The following PATL2 variants were observed in gnomAD, a reference collection of about 807,000 sequenced individuals.
The protein encoded by PATL2 is protein PAT1 homolog 2.
A neutral mutation model predicts 77.0 loss-of-function variants in PATL2; 73 were observed. That is an observed-to-expected ratio of 0.95 (90% confidence interval 0.78 to 1.15). The LOEUF (loss-of-function observed/expected upper bound fraction) is 1.15, where lower values mean the gene tolerates loss of function less well. Ranked by LOEUF, PATL2 falls within the 50% of genes most tolerant of loss-of-function variation. PATL2 has a pLI of 0.00. For synonymous variants in PATL2, 265 were observed against 257.1 expected, an observed-to-expected ratio of 1.03 and a Z score of -0.29; for missense variants, 618 against 655.4, an observed-to-expected ratio of 0.94 and a Z score of 0.62.
intron 3 of PATL2, chr15:44,676,920 G>A (rs1300198950): frequency 2.0e-6 from 2 of 1,017,674 alleles, no homozygotes; most frequent in African/African-American, 1.7e-5. Context: ...CCTGGGCCAG[G>A]ACCTGTTTGC....
intron 2 of PATL2, among the ~76,000 whole-genome samples, 102 bp from the exon 3 acceptor site, chr15:44,710,316 G>C (rs927998241): frequency 1.3e-5 from 2 of 152,174 alleles, no homozygotes; most frequent in Non-Finnish European, 2.9e-5. Flanking sequence ...CAAGATCTCT[G>C]CCCCTCCCCA....
In PATL2 at chr15:44,710,136, T is replaced by C. The variant is rs1414353135; in HGVS notation, c.-116A>G. ...GTGGGAGGCTCTCTCTTGTGCATTATCTCATTTCATTAGGTCCATGGAGAG... is the reference window on the plus strand; with the variant it reads ...GTGGGAGGCTCTCTCTTGTGCATTACCTCATTTCATTAGGTCCATGGAGAG... On this transcript the variant is annotated 5_prime_UTR_variant, in exon 3 of 18. Transcript: ENST00000682850. Among the ~76,000 whole-genome samples, 1 of 152,246 alleles carries C rather than the reference T, an allele frequency of 6.6e-6. No individual in the cohort carries two copies. The highest frequency in any genetic ancestry group is 2.4e-5 in the African/African-American group (1 of 41,472).
chr15:44,669,604 T>C, intron 11 of PATL2, 41 bp from the exon 12 acceptor site: 2 of 1,544,962 alleles, frequency 1.3e-6, no homozygotes, highest in Admixed American at 2.0e-5. Context: ...ACACTGCCAC[T>C]GCCACAGCCC....
Position 44,665,829 on chromosome 15 carries a change from G to A in PATL2, c.*124C>T. The A allele has an allele frequency of 6.5e-7, 1 of 1,532,248 alleles. No homozygotes were observed. The highest frequency in any genetic ancestry group is 8.8e-7 in the Non-Finnish European group (1 of 1,140,456). 94.9% of individuals were successfully genotyped at this position (1,532,248 alleles called of 1,614,324 possible). On this transcript the variant is annotated 3_prime_UTR_variant, in exon 18 of 18. Transcript: ENST00000682850. ...AAGAAAGGATATGAAAATGGGGAAG[G>A]GTTCTCCAATATATAAAGGCATAAG...
chr15:44,667,201 A>C lies in PATL2; in HGVS notation c.1368T>G (p.Phe456Leu). The C allele has an allele frequency of 6.4e-7, 1 of 1,550,770 alleles. No individual in the cohort carries two copies. The highest frequency in any genetic ancestry group is 8.7e-7 in the Non-Finnish European group (1 of 1,146,226). ...RPVTVVLQNQ[F>L]GISLLYALLS... is the part of the protein sequence containing the mutation. Reference sequence around the variant, plus strand: ...GCAGGGCATAGAGCAAAGATATTCCAAACTGCAAGGGACATATATATATTC... The same window carrying C: ...GCAGGGCATAGAGCAAAGATATTCCCAACTGCAAGGGACATATATATATTC... The change falls in exon 16 of 18, where the codon TTT (phenylalanine) becomes TTG (leucine). Residue 456 changes from phenylalanine to leucine, a missense_variant and splice_region_variant. Physicochemically the swap from Phe to Leu is conservative, Grantham distance 22. Transcript: ENST00000682850.
rs185894567 is a variant in PATL2, at chr15:44,668,013, A to G, written c.1365+329T>C. Among the ~76,000 whole-genome samples the G allele has an allele frequency of 4.6e-3, 708 of 152,274 alleles. 9 individuals are homozygous for G. The highest frequency in any genetic ancestry group is 4.0e-3 in the Non-Finnish European group (273 of 68,012). ...TTACATGTATTTGATTTATAAACACATGGGTAGTGTGGTTTAGAATATTTT... is the reference window on the plus strand; with the variant it reads ...TTACATGTATTTGATTTATAAACACGTGGGTAGTGTGGTTTAGAATATTTT... On this transcript the variant is annotated intron_variant, in intron 15 of 17. Transcript: ENST00000682850.
At chr15:44,666,821 G>T (rs1267564220) in intron 16 of PATL2, 1 of 518,954 alleles carries the variant, frequency 1.9e-6, no homozygotes, top group African/African-American at 1.9e-5. Context: ...GAAAGAACTT[G>T]CCCTAAAGTT....
chr15:44,670,349 A>G (rs1406879518), intron 9 of PATL2, among the ~76,000 whole-genome samples: 1 of 152,114 alleles, frequency 6.6e-6, no homozygotes, highest in African/African-American at 2.4e-5. Flanking sequence ...ACGTGCCACC[A>G]TGCCCAGCTA....
chr15:44,669,445 A>G, intron 12 of PATL2, 32 bp from the exon 13 acceptor site: 1 of 1,548,680 alleles, frequency 6.5e-7, no homozygotes, highest in South Asian at 1.2e-5. Flanking sequence ...AAAGAGGTAA[A>G]TTTGGGTAAT....
intron 3 of PATL2, among the ~76,000 whole-genome samples, chr15:44,705,225 C>G (rs958594039): frequency 3.9e-5 from 6 of 151,924 alleles, no homozygotes; most frequent in African/African-American, 1.2e-4. Context: ...CTTTGTTGTC[C>G]AGGCTGGAGT....
intron 3 of PATL2, among the ~76,000 whole-genome samples, chr15:44,701,957 T>C (rs905117208): frequency 6.6e-6 from 1 of 151,962 alleles, no homozygotes; most frequent in Non-Finnish European, 1.5e-5. Context: ...GCACTCACTA[T>C]TGTGAGGACA....
At position 44,676,472 on chromosome 15, in the gene PATL2, T is replaced by A; in HGVS notation, c.16+3A>T. On this transcript the variant is annotated splice_donor_region_variant and intron_variant, in intron 4 of 17. Transcript: ENST00000682850. ...TATAACATCACGGCCCACTTGTTGA[T>A]ACCTTCAAGGCAATTCATCTTGGCA... 3 of 1,550,468 alleles carry A rather than the reference T, an allele frequency of 1.9e-6. No individual in the cohort carries two copies. Among genetic ancestry groups the A allele is most frequent in the Non-Finnish European group, 2.6e-6 (3 of 1,145,884 alleles).
intron 3 of PATL2, among the ~76,000 whole-genome samples, chr15:44,708,179 T>C (rs1011717196): frequency 2.6e-5 from 4 of 152,242 alleles, no homozygotes; most frequent in African/African-American, 9.6e-5. Flanking sequence ...TGATACGAAG[T>C]TAAAACCAGG....
rs201815058 is a variant in PATL2 at position 44,688,245 on chromosome 15, CA to C, written c.-75-11681del. Among the ~76,000 whole-genome samples the C allele has an allele frequency of 2.7e-3, 147 of 55,228 alleles. 1 individual carries two copies. Among genetic ancestry groups the C allele is most frequent in the Middle Eastern group, 9.3e-3 (1 of 108 alleles). The allele number at this position is 55,228 out of a possible 152,430, so 36.2% of individuals were successfully genotyped here. ...TGGGTGACAGAGCGAGACTCTGTCT[CA>C]AAAAAAAAAAAAAAAACTAGCTAAA... On this transcript the variant is annotated intron_variant, in intron 3 of 17. Coordinates refer to ENST00000682850, the MANE Select transcript of PATL2 (RefSeq NM_001387263.1).
Position 44,673,282 on chromosome 15 carries a change from G to C in PATL2, c.399C>G (p.Asp133Glu). ...QHFGPRLPSPDPTLFCSLLTS... is the reference protein window; with the variant it reads ...QHFGPRLPSPEPTLFCSLLTS... ...TCAGCAGGCTGCAGAAGAGAGTTGG[G>C]TCTGGTGAGGGCAGCCGAGGTCCAA... is the stretch of plus-strand genomic sequence containing the variant. Residue 133 changes from aspartate to glutamate, a missense_variant, in exon 7 of 18, where the codon GAC becomes GAG. Physicochemically the swap from Asp to Glu is conservative, Grantham distance 45. Coordinates refer to ENST00000682850, the MANE Select transcript of PATL2 (RefSeq NM_001387263.1). The C allele has an allele frequency of 1.3e-6, 2 of 1,551,660 alleles. No individual in the cohort carries two copies. The highest frequency in any genetic ancestry group is 2.4e-5 in the South Asian group (2 of 84,064).
chr15:44,711,263 C>A lies in PATL2; in HGVS notation c.-497G>T. 1.7e-6 allele frequency: 1 copy of A among 574,452 alleles called. No homozygotes were observed. The highest frequency in any genetic ancestry group is 3.1e-6 in the Non-Finnish European group (1 of 320,166). 35.6% of individuals were successfully genotyped at this position (574,452 alleles called of 1,614,324 possible). A position where few individuals can be genotyped will look rare whatever the true frequency, so the allele number is the denominator to read the frequency against. On this transcript the variant is annotated 5_prime_UTR_variant, in exon 1 of 18. Coordinates refer to ENST00000682850, the MANE Select transcript of PATL2 (RefSeq NM_001387263.1). ...CTCCAGCCTGAAGTCCTAGAATGAG[C>A]GCCCGGTGTCCCAAGCTGGGGCGCG...
At chr15:44,686,524 CA>C (rs1420556972) in intron 3 of PATL2, among the ~76,000 whole-genome samples, 5 of 152,036 alleles carry the variant, frequency 3.3e-5, no homozygotes, top group African/African-American at 1.2e-4. Context: ...CAAACAAATT[CA>C]AAAGCTAGCA....
chr15:44,669,934 C>A (rs1374355003), intron 10 of PATL2, 33 bp downstream of exon 10: 12 of 1,549,686 alleles, frequency 7.7e-6, no homozygotes, highest in African/African-American at 1.4e-5. Context: ...CCCAGATGCC[C>A]AGCCCAAGTC....
At chr15:44,673,140 T>A in intron 7 of PATL2, 95 bp downstream of exon 7, 1 of 1,412,676 alleles carries the variant, frequency 7.1e-7, no homozygotes, top group Admixed American at 2.4e-5. Context: ...TCTTACTAGT[T>A]TTCTGTGTTT....
Sources: gnomAD v4.1 joint callset for allele counts (sites outside exome capture counted in the v4.1 genomes callset) on GRCh38, gnomAD v4.1.1 for gene constraint, MANE v1.5 for transcripts, NCBI Gene and HGNC (gene_info 2026-07-23, HGNC 2026-07-21) for gene names.